Variants in XRCC5 observed in about 807,000 individuals in gnomAD.
The protein encoded by XRCC5 is X-ray repair cross complementing 5.
XRCC5 carries 12 observed loss-of-function variants against 95.7 expected under a neutral mutation model. The ratio of observed to expected loss-of-function variants is 0.13; its 90% CI spans 0.08 to 0.20. The LOEUF is 0.20. XRCC5 is among the 10% of genes least tolerant of loss of function. The pLI, the probability that XRCC5 is intolerant of heterozygous loss-of-function variation, is 1.00. For missense variants in XRCC5, 595 were observed against 873.9 expected (o/e 0.68, Z 4.02); for synonymous variants, 281 against 290.3 (o/e 0.97, Z 0.33).
At chr2:216,190,468 G>C in intron 17 of XRCC5, 134 bp downstream of exon 17, 1 of 638,590 alleles carries the variant, frequency 1.6e-6, no homozygotes, top group Non-Finnish European at 2.5e-6. Context: ...GTGTATGCCA[G>C]TGGAGCTAAA....
intron 14 of XRCC5, among the ~76,000 whole-genome samples, chr2:216,155,712 A>G (rs1392911633): frequency 1.3e-5 from 2 of 152,148 alleles, no homozygotes; most frequent in African/African-American, 2.4e-5. Flanking sequence ...AATAAGATCT[A>G]TAATAGCCTA....
At chr2:216,118,314 C>CTA (rs1696740420) in intron 4 of XRCC5, among the ~76,000 whole-genome samples, 1 of 151,938 alleles carries the variant, frequency 6.6e-6, no homozygotes, top group African/African-American at 2.4e-5. Context: ...GTAGCTGGGA[C>CTA]TACAGGTGCA....
At chr2:216,178,087 CAAAA>C (rs1482266490) in intron 16 of XRCC5, among the ~76,000 whole-genome samples, 1 of 151,900 alleles carries the variant, frequency 6.6e-6, no homozygotes, top group East Asian at 1.9e-4. Flanking sequence ...AGGAATAAAA[CAAAA>C]AAGAAAGAAA....
chr2:216,169,880 A>AC (rs1473962770), intron 16 of XRCC5, among the ~76,000 whole-genome samples: 1 of 150,702 alleles, frequency 6.6e-6, no homozygotes, highest in African/African-American at 2.4e-5. Flanking sequence ...TAAAAAAAAA[A>AC]AAAACAAACT....
intron 18 of XRCC5, among the ~76,000 whole-genome samples, chr2:216,194,338 T>TAC (rs1240355073): frequency 6.6e-6 from 1 of 152,228 alleles, no homozygotes; most frequent in Non-Finnish European, 1.5e-5. Flanking sequence ...GGACATACTG[T>TAC]ACATTGAGGG....
Position 216,192,553 on chromosome 2 carries a change from A to G in XRCC5, c.1945-86A>G. 6.0e-6 allele frequency: 5 copies of G among 835,406 alleles called. No homozygotes were observed. The South Asian group carries it at 9.0e-5, about 15-fold the overall frequency. The allele number at this position is 835,406 out of a possible 1,614,324, so 51.7% of individuals were successfully genotyped here. On this transcript the variant is annotated intron_variant, in intron 17 of 20. Transcript: ENST00000392132. Reference sequence around the variant, plus strand: ...TTTTTTGTAATAAATAAGGTGATTCAGACCAAACTTTGTTTGGTCTGGGGT... The same window carrying G: ...TTTTTTGTAATAAATAAGGTGATTCGGACCAAACTTTGTTTGGTCTGGGGT...
At chr2:216,163,063 G>C (rs886920103) in intron 16 of XRCC5, among the ~76,000 whole-genome samples, 1 of 152,044 alleles carries the variant, frequency 6.6e-6, no homozygotes, top group African/African-American at 2.4e-5. Flanking sequence ...TGACTTCTAC[G>C]TATGTGAGTG....
At chr2:216,142,033 G>A (rs537212036) in intron 13 of XRCC5, among the ~76,000 whole-genome samples, 15 of 152,114 alleles carry the variant, frequency 9.9e-5, no homozygotes, top group African/African-American at 3.1e-4. Flanking sequence ...CAGCCTGGGC[G>A]GCAGAATGAG....
At chr2:216,199,807 G>GA (rs1689800164) in intron 19 of XRCC5, among the ~76,000 whole-genome samples, 1 of 89,644 alleles carries the variant, frequency 1.1e-5, no homozygotes, top group Admixed American at 1.6e-4. Flanking sequence ...ATGGCATTGG[G>GA]ATCTTTTTTT....
chr2:216,131,305 T>C, intron 9 of XRCC5: 1 of 974,304 alleles, frequency 1.0e-6, no homozygotes, highest in Non-Finnish European at 1.2e-6. Flanking sequence ...CTTCTTGAGC[T>C]GGTATTATGG....
chr2:216,184,032 CTGTGTGTGTGTGTGTGTGTGTGTGTGTG>C (rs3221952), intron 16 of XRCC5, among the ~76,000 whole-genome samples: 9 of 145,734 alleles, frequency 6.2e-5, no homozygotes, highest in Admixed American at 6.7e-5. Context: ...TAAGTCAGCA[CTGTGTGTGTGTGTGTGTGTGTGTGTGTG>C]TGTGTGTGTG....
chr2:216,109,746 C>T (rs886881259), intron 1 of XRCC5, among the ~76,000 whole-genome samples: 2 of 151,744 alleles, frequency 1.3e-5, no homozygotes, highest in African/African-American at 2.4e-5. Flanking sequence ...CCTGCCTCCC[C>T]ACCCGCCTCC....
At chr2:216,145,183 A>G (rs1397965564) in intron 13 of XRCC5, among the ~76,000 whole-genome samples, 1 of 152,172 alleles carries the variant, frequency 6.6e-6, no homozygotes, top group African/African-American at 2.4e-5. Flanking sequence ...AGGGAGAGAG[A>G]AAGAGAGGAC....
chr2:216,151,645 G>C (rs1688747736), intron 14 of XRCC5, among the ~76,000 whole-genome samples: 1 of 152,170 alleles, frequency 6.6e-6, no homozygotes, highest in Non-Finnish European at 1.5e-5. Flanking sequence ...AGTTGTCATG[G>C]GGGTTAATGC....
At position 216,116,651 on chromosome 2, in the gene XRCC5, T is replaced by C; in HGVS notation, c.136-8T>C. 1.9e-6 allele frequency: 3 copies of C among 1,614,072 alleles called. No individual in the cohort carries two copies. Among genetic ancestry groups the C allele is most frequent in the Non-Finnish European group, 2.5e-6 (3 of 1,179,940 alleles). ...TATGGTTTTCAGCCATCTGACATTTTTTTCTAGGTGTTTGCTGAGAACAAG... is the reference window on the plus strand; with the variant it reads ...TATGGTTTTCAGCCATCTGACATTTCTTTCTAGGTGTTTGCTGAGAACAAG... On this transcript the variant is annotated splice_region_variant and splice_polypyrimidine_tract_variant and intron_variant, in intron 2 of 20. Coordinates refer to ENST00000392132, the MANE Select transcript of XRCC5 (RefSeq NM_021141.4).
At chr2:216,196,945 T>C (rs1314078602) in intron 19 of XRCC5, among the ~76,000 whole-genome samples, 3 of 152,078 alleles carry the variant, frequency 2.0e-5, no homozygotes, top group African/African-American at 7.3e-5. Context: ...GAAAAATATT[T>C]TTTGTCATTA....
chr2:216,120,619 A>G (rs1233160211), intron 5 of XRCC5, among the ~76,000 whole-genome samples: 1 of 151,910 alleles, frequency 6.6e-6, no homozygotes, highest in African/African-American at 2.4e-5. Flanking sequence ...GTAGTGGCAT[A>G]GTTATAGCTC....
At chr2:216,193,860 G>A (rs1559263381) in intron 18 of XRCC5, among the ~76,000 whole-genome samples, 1 of 152,178 alleles carries the variant, frequency 6.6e-6, no homozygotes, top group East Asian at 1.9e-4. Context: ...TCAGGTATCA[G>A]CCATTTGATG....
intron 19 of XRCC5, among the ~76,000 whole-genome samples, chr2:216,198,413 C>T (rs1363928906): frequency 6.6e-6 from 1 of 152,092 alleles, no homozygotes; most frequent in African/African-American, 2.4e-5. Context: ...GGTGAGTACC[C>T]CCACCTGTCA....
Sources: allele counts gnomAD v4.1 joint callset (sites outside exome capture counted in the v4.1 genomes callset), GRCh38; gene constraint gnomAD v4.1.1; transcripts MANE v1.5; gene names NCBI Gene and HGNC (gene_info 2026-07-23, HGNC 2026-07-21).